Variants in DIAPH3 observed in about 807,000 individuals in gnomAD.
DIAPH3 encodes protein diaphanous homolog 3.
A neutral mutation model predicts 144.3 loss-of-function variants in DIAPH3; 117 were observed. The ratio of observed to expected loss-of-function variants is 0.81; its 90% CI spans 0.70 to 0.95. The LOEUF (loss-of-function observed/expected upper bound fraction) is 0.95, where lower values mean the gene tolerates loss of function less well. Ranked by LOEUF, DIAPH3 falls within the 40% of genes least tolerant of loss-of-function variation. The pLI, the probability that DIAPH3 is intolerant of heterozygous loss-of-function variation, is 0.00. For missense variants in DIAPH3, 1,421 were observed against 1,412.7 expected, an observed-to-expected ratio of 1.01 and a Z score of -0.09; for synonymous variants, 519 against 488.9, an observed-to-expected ratio of 1.06 and a Z score of -0.81.
intron 20 of DIAPH3, among the ~76,000 whole-genome samples, chr13:59,899,904 A>G (rs895911605): frequency 6.6e-6 from 1 of 152,238 alleles, no homozygotes; most frequent in African/African-American, 2.4e-5. Flanking sequence ...TTAGCAGCTC[A>G]AGGAAATAGC....
At chr13:60,100,094 C>G (rs1594664606) in intron 3 of DIAPH3, among the ~76,000 whole-genome samples, 1 of 152,118 alleles carries the variant, frequency 6.6e-6, no homozygotes, top group Non-Finnish European at 1.5e-5. Context: ...TGAGGAGATA[C>G]TTTAAGACTG....
At chr13:59,670,751 T>G (rs1013865173) in intron 27 of DIAPH3, among the ~76,000 whole-genome samples, 2 of 151,940 alleles carry the variant, frequency 1.3e-5, no homozygotes, top group African/African-American at 4.8e-5. Context: ...CCCGGCTAAT[T>G]TTTTTGCATT....
At chr13:59,975,361 A>G (rs1341402190) in intron 14 of DIAPH3, among the ~76,000 whole-genome samples, 2 of 152,044 alleles carry the variant, frequency 1.3e-5, no homozygotes, top group Non-Finnish European at 2.9e-5. Flanking sequence ...AGGGAATCTT[A>G]CTTTGTCCTT....
At chr13:60,158,461 T>C (rs560214537) in intron 1 of DIAPH3, among the ~76,000 whole-genome samples, 4 of 152,300 alleles carry the variant, frequency 2.6e-5, no homozygotes, top group African/African-American at 7.2e-5. Context: ...TCATTAAGCT[T>C]GTGAGCTTAG....
chr13:59,885,974 G>A (rs1016112167), intron 20 of DIAPH3, among the ~76,000 whole-genome samples: 4 of 151,962 alleles, frequency 2.6e-5, no homozygotes, highest in Admixed American at 1.3e-4. Flanking sequence ...CATTTGTGGC[G>A]GCAACCCTAA....
intron 20 of DIAPH3, among the ~76,000 whole-genome samples, chr13:59,886,127 C>CT (rs1160000272): frequency 1.3e-5 from 2 of 151,994 alleles, no homozygotes; most frequent in African/African-American, 4.8e-5. Flanking sequence ...TTTTATATTC[C>CT]TTTTACCAAC....
At chr13:59,834,618 G>C (rs1269222607) in intron 23 of DIAPH3, among the ~76,000 whole-genome samples, 2 of 151,562 alleles carry the variant, frequency 1.3e-5, no homozygotes, top group Admixed American at 6.6e-5. Flanking sequence ...GTAAATGTAG[G>C]CTAGCATATG....
Position 59,911,648 on chromosome 13 carries a change from C to CT in DIAPH3, c.2367+86dup. On this transcript the variant is annotated intron_variant, in intron 20 of 27. Transcript: ENST00000400324. ...TTAAATGTATGTGATTACTCACATG[C>CT]TTTTTTACATTTAGCGATATAAAAA... The CT allele has an allele frequency of 1.9e-5, 19 of 1,000,232 alleles. No individual in the cohort carries two copies. In the South Asian group the frequency reaches 2.5e-4, roughly 13 times the overall value. 62.0% of individuals were successfully genotyped at this position (1,000,232 alleles called of 1,614,324 possible).
At chr13:59,765,957 G>T (rs1482261916) in intron 27 of DIAPH3, among the ~76,000 whole-genome samples, 1 of 152,162 alleles carries the variant, frequency 6.6e-6, no homozygotes, top group Non-Finnish European at 1.5e-5. Flanking sequence ...CCCCATCCCT[G>T]CCATAATGCC....
At chr13:60,111,852 T>C (rs1176481247) in intron 3 of DIAPH3, among the ~76,000 whole-genome samples, 158 bp downstream of exon 3, 2 of 152,224 alleles carry the variant, frequency 1.3e-5, no homozygotes, top group African/African-American at 4.8e-5. Flanking sequence ...TTTCATATTT[T>C]TGTAATCCAA....
intron 24 of DIAPH3, among the ~76,000 whole-genome samples, chr13:59,831,375 G>A (rs948781989): frequency 6.6e-6 from 1 of 151,854 alleles, no homozygotes; most frequent in African/African-American, 2.4e-5. Flanking sequence ...GCAAAGGGCA[G>A]TCTTCAGGAG....
At chr13:59,760,805 AT>A (rs1349453164) in intron 27 of DIAPH3, among the ~76,000 whole-genome samples, 3 of 152,156 alleles carry the variant, frequency 2.0e-5, no homozygotes, top group South Asian at 4.1e-4. Context: ...TCTTTGGTAT[AT>A]TTCAGTGTTC....
chr13:59,803,577 A>G (rs1285349215), intron 25 of DIAPH3, among the ~76,000 whole-genome samples: 1 of 152,230 alleles, frequency 6.6e-6, no homozygotes, highest in Non-Finnish European at 1.5e-5. Context: ...TTAAAAAGAA[A>G]GAAAGAAAAA....
intron 21 of DIAPH3, among the ~76,000 whole-genome samples, chr13:59,876,956 GCA>G (rs1232012250): frequency 6.6e-6 from 1 of 151,866 alleles, no homozygotes; most frequent in Admixed American, 6.6e-5. Context: ...TTCATAACCA[GCA>G]CACCTTGACA....
At chr13:59,892,981 A>G (rs2140132872) in intron 20 of DIAPH3, among the ~76,000 whole-genome samples, 1 of 152,248 alleles carries the variant, frequency 6.6e-6, no homozygotes. Context: ...AACACAAAGT[A>G]AGTTTCAGAA....
At chr13:60,099,895 C>A (rs969727639) in intron 3 of DIAPH3, among the ~76,000 whole-genome samples, 3 of 102,804 alleles carry the variant, frequency 2.9e-5, no homozygotes, top group African/African-American at 1.2e-4. Flanking sequence ...TAATGTGGTA[C>A]CAGAAAGTAA....
In DIAPH3 at chr13:59,724,183, A is replaced by T. The variant is rs573574238; in HGVS notation, c.3319+50006T>A. Among the ~76,000 whole-genome samples the T allele has an allele frequency of 3.3e-5, 5 of 152,322 alleles. No individual in the cohort carries two copies. In the South Asian group the frequency reaches 1.0e-3, roughly 32 times the overall value. On this transcript the variant is annotated intron_variant, in intron 27 of 27. Coordinates refer to ENST00000400324, the MANE Select transcript of DIAPH3 (RefSeq NM_001042517.2). ...CAACTTTTTAGTATATGTATACCCT[A>T]CACAACATTTAGGACATATTTATAT...
chr13:59,998,608 T>C (rs1164323821), intron 9 of DIAPH3, among the ~76,000 whole-genome samples: 3 of 152,272 alleles, frequency 2.0e-5, no homozygotes, highest in Non-Finnish European at 4.4e-5. Flanking sequence ...GCCAGTAAAC[T>C]CTAGATAATG....
chr13:60,157,084 A>G (rs1952071096), intron 1 of DIAPH3, among the ~76,000 whole-genome samples: 1 of 151,212 alleles, frequency 6.6e-6, no homozygotes, highest in South Asian at 2.1e-4. Flanking sequence ...AGGTGGGATT[A>G]CAGGCGCCCA....
Sources: allele counts gnomAD v4.1 joint callset (sites outside exome capture counted in the v4.1 genomes callset), GRCh38; gene constraint gnomAD v4.1.1; transcripts MANE v1.5; gene names NCBI Gene and HGNC (gene_info 2026-07-23, HGNC 2026-07-21).